The following SP4 variants were observed in gnomAD, a reference collection of about 807,000 sequenced individuals.
SP4 encodes the protein Sp4 transcription factor.
In SP4, 19 loss-of-function variants were observed where a neutral mutation model predicts 72.8. That is an observed-to-expected ratio of 0.26 (90% confidence interval 0.18 to 0.38). The LOEUF (loss-of-function observed/expected upper bound fraction) is 0.38. Ranked by LOEUF, SP4 falls within the 10% of genes least tolerant of loss-of-function variation. SP4 has a pLI of 1.00. For synonymous variants in SP4, 395 were observed against 333.1 expected (o/e 1.19, Z -2.02); for missense variants, 1,008 against 926.3 (o/e 1.09, Z -1.14).
At chr7:21,451,946 G>C (rs1281118807) in intron 3 of SP4, among the ~76,000 whole-genome samples, 6 of 152,148 alleles carry the variant, frequency 3.9e-5, no homozygotes, top group Admixed American at 2.0e-4. Context: ...GGGTGCGTGG[G>C]GTTGCTAACC....
At position 21,511,924 on chromosome 7, in the gene SP4, G is replaced by C. The variant is rs1782154906; in HGVS notation, c.*655G>C. ...TGAAGTCCAATTACTTTCTCCATTTGGAGACACAAGAGGAACATAGAGTTA... is the reference window on the plus strand; with the variant it reads ...TGAAGTCCAATTACTTTCTCCATTTCGAGACACAAGAGGAACATAGAGTTA... On this transcript the variant is annotated 3_prime_UTR_variant, in exon 6 of 6. Coordinates refer to ENST00000222584, the MANE Select transcript of SP4 (RefSeq NM_003112.5). 6.6e-6 allele frequency: 1 copy of C among 152,510 alleles called. No homozygotes were observed. Among genetic ancestry groups the C allele is most frequent in the Admixed American group, 6.5e-5 (1 of 15,270 alleles). The allele number at this position is 152,510 out of a possible 1,614,324, so 9.4% of individuals were successfully genotyped here.
In SP4 at chr7:21,511,774, C is replaced by T. The variant is rs1472778993; in HGVS notation, c.*505C>T. ...GGAAAATCAACCGAAAATAGTTTGG[C>T]CGTCTTTTCTAAATGTTAGAAATTC... is the stretch of plus-strand genomic sequence containing the variant. On this transcript the variant is annotated 3_prime_UTR_variant, in exon 6 of 6. Transcript: ENST00000222584. The T allele has an allele frequency of 6.5e-6, 1 of 154,558 alleles. No individual in the cohort carries two copies. Among genetic ancestry groups the T allele is most frequent in the Non-Finnish European group, 1.4e-5 (1 of 69,364 alleles). 9.6% of individuals were successfully genotyped at this position (154,558 alleles called of 1,614,324 possible).
intron 5 of SP4, among the ~76,000 whole-genome samples, chr7:21,493,521 G>T (rs1252686803): frequency 6.6e-6 from 1 of 152,016 alleles, no homozygotes; most frequent in Non-Finnish European, 1.5e-5. Flanking sequence ...AAAATAAGAA[G>T]TTGGGAAATA....
chr7:21,474,045 G>T (rs1784422114), intron 3 of SP4, among the ~76,000 whole-genome samples: 1 of 152,144 alleles, frequency 6.6e-6, no homozygotes, highest in East Asian at 1.9e-4. Flanking sequence ...GTTATTCATT[G>T]AAATAACTTT....
chr7:21,498,548 G>A (rs1781782322), intron 5 of SP4, among the ~76,000 whole-genome samples: 1 of 152,134 alleles, frequency 6.6e-6, no homozygotes, highest in Non-Finnish European at 1.5e-5. Context: ...GAACTACATG[G>A]CTCTCAGTTT....
At chr7:21,503,024 GAGTCCACCTCATGC>G (rs1781908724) in intron 5 of SP4, among the ~76,000 whole-genome samples, 1 of 151,890 alleles carries the variant, frequency 6.6e-6, no homozygotes, top group African/African-American at 2.4e-5. Flanking sequence ...CGAGTATAGT[GAGTCCACCTCATGC>G]AGCTGTTCGC....
intron 5 of SP4, among the ~76,000 whole-genome samples, chr7:21,488,479 C>T (rs1404573158): frequency 8.3e-5 from 11 of 133,226 alleles, no homozygotes; most frequent in African/African-American, 8.5e-5. Flanking sequence ...ACTTCCTTTC[C>T]TTTTTTTTTT....
Position 21,511,483 on chromosome 7 carries a change from C to G in SP4, c.*214C>G. The stretch of plus-strand genomic sequence containing the variant: ...TGTACTGGAAACAGAAAAGTATTTC[C>G]TCCATACTATAAGTTGTAGTTGTTT... On this transcript the variant is annotated 3_prime_UTR_variant, in exon 6 of 6. Transcript: ENST00000222584. The G allele has an allele frequency of 5.7e-6, 3 of 526,068 alleles. No homozygotes were observed. Among genetic ancestry groups the G allele is most frequent in the Admixed American group, 3.4e-5 (1 of 29,052 alleles). The allele number at this position is 526,068 out of a possible 1,614,324, so 32.6% of individuals were successfully genotyped here.
At position 21,514,316 on chromosome 7, in the gene SP4, A is replaced by G. The variant is rs1583457219; in HGVS notation, c.*3047A>G. ...TCAATTTTATAACTGTTTTATTGCA[A>G]CAATATTTGTATTTAAGTCTCCATT... On this transcript the variant is annotated 3_prime_UTR_variant, in exon 6 of 6. Coordinates refer to ENST00000222584, the MANE Select transcript of SP4 (RefSeq NM_003112.5). 1 of 152,660 alleles carries G rather than the reference A, an allele frequency of 6.6e-6. No individual in the cohort carries two copies. The highest frequency in any genetic ancestry group is 2.1e-4 in the South Asian group (1 of 4,828). 9.5% of individuals were successfully genotyped at this position (152,660 alleles called of 1,614,324 possible).
chr7:21,481,162 G>C (rs1784674279), intron 4 of SP4, among the ~76,000 whole-genome samples: 1 of 152,128 alleles, frequency 6.6e-6, no homozygotes, highest in Non-Finnish European at 1.5e-5. Flanking sequence ...TATGTCCCAG[G>C]GCTAAGGACT....
At chr7:21,491,899 T>A (rs111503236) in intron 5 of SP4, among the ~76,000 whole-genome samples, 116,171 of 151,746 alleles carry the variant, frequency 0.77, 45,062 homozygotes, top group East Asian at 0.9. Context: ...AAGGTAAAAT[T>A]AATTATACCA....
At chr7:21,482,712 C>A in intron 5 of SP4, 1 of 976,004 alleles carries the variant, frequency 1.0e-6, no homozygotes, top group Non-Finnish European at 1.2e-6. Context: ...ACTTTTAATA[C>A]TCTGACATAT....
chr7:21,429,010 G>T (rs1386576107), intron 2 of SP4: 6 of 580,360 alleles, frequency 1.0e-5, no homozygotes, highest in Non-Finnish European at 1.8e-5. Flanking sequence ...ATAAGAAAAC[G>T]GTGTGTGTGT....
At chr7:21,482,550 C>G in intron 5 of SP4, 5 of 504,280 alleles carry the variant, frequency 9.9e-6, no homozygotes, top group Non-Finnish European at 1.3e-5. Context: ...AAACATCTAA[C>G]AACCCTCAGT....
intron 3 of SP4, among the ~76,000 whole-genome samples, chr7:21,475,891 G>T (rs75100281): frequency 0.036 from 5,431 of 152,192 alleles, 349 homozygotes; most frequent in East Asian, 0.26. Flanking sequence ...TCATAAATTG[G>T]TATTTTCTTT....
chr7:21,458,022 CTT>C (rs535741894), intron 3 of SP4, among the ~76,000 whole-genome samples: 106 of 152,210 alleles, frequency 7.0e-4, no homozygotes, highest in African/African-American at 2.4e-3. Context: ...CTAAATTACT[CTT>C]AAGAGTTTTT....
At chr7:21,458,471 A>C (rs1783850453) in intron 3 of SP4, among the ~76,000 whole-genome samples, 1 of 152,280 alleles carries the variant, frequency 6.6e-6, no homozygotes, top group African/African-American at 2.4e-5. Context: ...GCCGTGAGCC[A>C]CTGCGTCCGG....
chr7:21,498,578 A>T (rs993858985), intron 5 of SP4, among the ~76,000 whole-genome samples: 1 of 152,206 alleles, frequency 6.6e-6, no homozygotes, highest in Admixed American at 6.5e-5. Flanking sequence ...GAGTCCTTAC[A>T]TTCAAAAATG....
At chr7:21,457,787 A>T (rs1282900999) in intron 3 of SP4, among the ~76,000 whole-genome samples, 1 of 151,870 alleles carries the variant, frequency 6.6e-6, no homozygotes, top group Non-Finnish European at 1.5e-5. Context: ...GTGTGTGTGT[A>T]TGCATGTGTG....
Sources: gnomAD v4.1 joint callset for allele counts (sites outside exome capture counted in the v4.1 genomes callset) on GRCh38, gnomAD v4.1.1 for gene constraint, MANE v1.5 for transcripts, NCBI Gene and HGNC (gene_info 2026-07-23, HGNC 2026-07-21) for gene names.